The following ZNF487 variants were observed in gnomAD, a reference collection of about 807,000 sequenced individuals.
The protein encoded by ZNF487 is KRAB domain only 1.
ZNF487 carries 4 observed loss-of-function variants against 3.0 expected under a neutral mutation model. The ratio of observed to expected loss-of-function variants is 1.35; its 90% CI spans 0.66 to 3.08. The LOEUF (loss-of-function observed/expected upper bound fraction) is 3.08. Among genes scored for constraint, ZNF487 ranks in the 30% most tolerant of loss-of-function variants. ZNF487 has a pLI of 0.01. For missense variants in ZNF487, 146 were observed against 98.7 expected (o/e 1.48, Z -2.03); for synonymous variants, 55 against 34.6 (o/e 1.59, Z -2.06).
the ZNF487 span, among the ~76,000 whole-genome samples, chr10:43,512,776 C>A: frequency 6.6e-6 from 1 of 152,178 alleles, no homozygotes; most frequent in Non-Finnish European, 1.5e-5. Flanking sequence ...AAACTGACAG[C>A]CTTTCGGGTC....
chr10:43,519,975 A>G, the ZNF487 span, among the ~76,000 whole-genome samples: 1 of 152,208 alleles, frequency 6.6e-6, no homozygotes, highest in South Asian at 2.1e-4. Flanking sequence ...ATAAGTGAAA[A>G]GTGGTTAAAG....
At chr10:43,449,182 C>CCAG (rs1157434892) in intron 1 of ZNF487, among the ~76,000 whole-genome samples, 1 of 151,882 alleles carries the variant, frequency 6.6e-6, no homozygotes, top group Non-Finnish European at 1.5e-5. Flanking sequence ...GCCTGTAATC[C>CCAG]CAGCTACTTT....
the ZNF487 span, among the ~76,000 whole-genome samples, chr10:43,500,477 T>A: frequency 1.3e-5 from 2 of 152,006 alleles, no homozygotes; most frequent in Non-Finnish European, 2.9e-5. Context: ...TTCAAAGAAT[T>A]TAAACCATTT....
chr10:43,464,585 T>G (rs1840586308), intron 1 of ZNF487, among the ~76,000 whole-genome samples: 1 of 152,172 alleles, frequency 6.6e-6, no homozygotes, highest in Non-Finnish European at 1.5e-5. Context: ...TTGATGAGCA[T>G]GCTGCCTTCA....
At chr10:43,515,940 A>ATT in the ZNF487 span, among the ~76,000 whole-genome samples, 4 of 151,796 alleles carry the variant, frequency 2.6e-5, no homozygotes. Flanking sequence ...CACCCATCTA[A>ATT]TTTTTTTTGT....
At chr10:43,480,946 G>C (rs762715142) in intron 3 of ZNF487, among the ~76,000 whole-genome samples, 1 of 152,132 alleles carries the variant, frequency 6.6e-6, no homozygotes, top group African/African-American at 2.4e-5. Flanking sequence ...TGATATTCTA[G>C]ATGAATAAAG....
Position 43,441,034 on chromosome 10 carries a change from A to ATTTTTTTTTTTTTTTTTTTT in ZNF487, c.-94+3787_-94+3806dup, listed in dbSNP as rs763451709. Among the ~76,000 whole-genome samples the ATTTTTTTTTTTTTTTTTTTT allele has an allele frequency of 3.6e-4, 16 of 44,548 alleles. 5 individuals are homozygous for ATTTTTTTTTTTTTTTTTTTT. Among genetic ancestry groups the ATTTTTTTTTTTTTTTTTTTT allele is most frequent in the African/African-American group, 1.1e-3 (10 of 9,418 alleles). The allele number at this position is 44,548 out of a possible 152,430, so 29.2% of individuals were successfully genotyped here. A position where few individuals can be genotyped will look rare whatever the true frequency, so the allele number is the denominator to read the frequency against. ...GGTAAATGCTACCACACCTGGTTAA[A>ATTTTTTTTTTTTTTTTTTTT]TTTTTTTTTTTTTTTTTTTTTTTTT... On this transcript the variant is annotated intron_variant, in intron 1 of 3. Coordinates refer to ENST00000437590, the MANE Select transcript of ZNF487 (RefSeq NM_001355444.3).
chr10:43,510,672 T>G, the ZNF487 span, among the ~76,000 whole-genome samples: 1 of 152,114 alleles, frequency 6.6e-6, no homozygotes, highest in Non-Finnish European at 1.5e-5. Context: ...CTCAGCCTCC[T>G]GAGTAGCTGG....
At chr10:43,450,816 GA>G (rs377261035) in intron 1 of ZNF487, among the ~76,000 whole-genome samples, 12 of 151,742 alleles carry the variant, frequency 7.9e-5, no homozygotes, top group African/African-American at 2.4e-4. Flanking sequence ...TGACTTAGAA[GA>G]AAAAAAAGCC....
At chr10:43,504,224 T>C in the ZNF487 span, among the ~76,000 whole-genome samples, 3 of 152,088 alleles carry the variant, frequency 2.0e-5, no homozygotes, top group Non-Finnish European at 4.4e-5. Context: ...ATATGTCTTA[T>C]ATATTTTTTG....
chr10:43,522,023 A>G, the ZNF487 span, among the ~76,000 whole-genome samples: 93 of 152,208 alleles, frequency 6.1e-4, no homozygotes, highest in Non-Finnish European at 1.2e-3. Flanking sequence ...CAACTGTGGT[A>G]AAAGAAAATG....
the ZNF487 span, among the ~76,000 whole-genome samples, chr10:43,518,152 G>T: frequency 1.2e-4 from 18 of 152,188 alleles, no homozygotes; most frequent in African/African-American, 4.8e-5. Flanking sequence ...AGTAACAGGT[G>T]TCAAGGCCAC....
intron 1 of ZNF487, among the ~76,000 whole-genome samples, chr10:43,440,423 G>A (rs889893947): frequency 1.3e-5 from 2 of 151,844 alleles, no homozygotes; most frequent in East Asian, 3.9e-4. Context: ...TTGGGAGTCC[G>A]AAGTGGTAGG....
At chr10:43,510,023 C>T in the ZNF487 span, among the ~76,000 whole-genome samples, 2 of 152,146 alleles carry the variant, frequency 1.3e-5, no homozygotes, top group Non-Finnish European at 2.9e-5. Flanking sequence ...ATTCCCAACC[C>T]AAATACTATT....
At chr10:43,449,876 C>T (rs1388327407) in intron 1 of ZNF487, among the ~76,000 whole-genome samples, 6 of 152,016 alleles carry the variant, frequency 3.9e-5, no homozygotes. Flanking sequence ...GACGGGGTTT[C>T]CCCATGTTGG....
intron 1 of ZNF487, among the ~76,000 whole-genome samples, chr10:43,438,025 T>G (rs1350424523): frequency 6.6e-6 from 1 of 152,008 alleles, no homozygotes; most frequent in Non-Finnish European, 1.5e-5. Flanking sequence ...TGCCTCCTAG[T>G]GTTACTTTTC....
chr10:43,493,706 AAAAATATATATATAT>A, the ZNF487 span, among the ~76,000 whole-genome samples: 187 of 61,422 alleles, frequency 3.0e-3, 2 homozygotes, highest in Admixed American at 5.5e-3. Context: ...AAAAAAAAAA[AAAAATATATATATAT>A]ATATATATAT....
At chr10:43,460,098 G>A (rs1308407660) in intron 1 of ZNF487, among the ~76,000 whole-genome samples, 1 of 151,770 alleles carries the variant, frequency 6.6e-6, no homozygotes, top group Non-Finnish European at 1.5e-5. Context: ...CACCGTGCCC[G>A]GCCGTTGAAT....
At chr10:43,451,245 CTAT>C (rs754875726) in intron 1 of ZNF487, among the ~76,000 whole-genome samples, 4 of 143,466 alleles carry the variant, frequency 2.8e-5, no homozygotes, top group Admixed American at 7.1e-5. Context: ...CATGGATGGC[CTAT>C]TATTATTATT....
Sources: gnomAD v4.1 joint callset for allele counts (sites outside exome capture counted in the v4.1 genomes callset) on GRCh38, gnomAD v4.1.1 for gene constraint, MANE v1.5 for transcripts, NCBI Gene and HGNC (gene_info 2026-07-23, HGNC 2026-07-21) for gene names.